Variants in USH2A observed in about 807,000 individuals in gnomAD.
The protein encoded by USH2A is Usher syndrome 2A (autosomal recessive, mild).
Under a neutral mutation model 538.9 loss-of-function variants are expected in USH2A, and 443 were observed. That is an observed-to-expected ratio of 0.82 (90% CI 0.76 to 0.89). The LOEUF (loss-of-function observed/expected upper bound fraction) is 0.89. Among genes scored for constraint, USH2A ranks in the 40% least tolerant of loss-of-function variants. The pLI is 0.00. For synonymous variants in USH2A, 2,413 were observed against 2,273.5 expected (o/e 1.06, Z -1.75); for missense variants, 6,633 against 6,324.8 (o/e 1.05, Z -1.65).
chr1:216,178,073 A>G (rs1413841186), intron 20 of USH2A, among the ~76,000 whole-genome samples: 4 of 152,198 alleles, frequency 2.6e-5, no homozygotes, highest in African/African-American at 9.6e-5. Flanking sequence ...ACCGTAAAGC[A>G]GCTTAGAACA....
At chr1:215,827,930 T>C (rs188135376) in intron 47 of USH2A, among the ~76,000 whole-genome samples, 2 of 152,310 alleles carry the variant, frequency 1.3e-5, no homozygotes, top group African/African-American at 2.4e-5. Flanking sequence ...CTTTTAATTT[T>C]ACAAAACTGT....
intron 44 of USH2A, among the ~76,000 whole-genome samples, chr1:215,860,452 G>T (rs562424981): frequency 3.9e-5 from 6 of 152,262 alleles, no homozygotes; most frequent in African/African-American, 1.4e-4. Flanking sequence ...CATGACATGT[G>T]AGAATTATTA....
intron 64 of USH2A, among the ~76,000 whole-genome samples, chr1:215,654,375 G>GT (rs1454008946): frequency 1.3e-5 from 2 of 151,948 alleles, no homozygotes; most frequent in African/African-American, 4.8e-5. Context: ...TGTGTCTGAT[G>GT]TTCCCCTCCC....
chr1:216,084,704 C>A lies in USH2A; in HGVS notation c.5161G>T (p.Gly1721Ter), dbSNP rs1286823186. 6.2e-7 allele frequency: 1 copy of A among 1,613,076 alleles called. No individual in the cohort carries two copies. Among genetic ancestry groups the A allele is most frequent in the Non-Finnish European group, 8.5e-7 (1 of 1,179,546 alleles). The change falls in exon 25 of 72, where the codon GGA (glycine) becomes TGA (stop). Residue 1721 changes from glycine (G) to a stop codon, truncating the protein, a stop_gained. Transcript: ENST00000307340. LOFTEE classifies it high-confidence loss of function. ...ASLNEGAQFL[G>*]AGFLELHPYM... Reference sequence around the variant, plus strand: ...GTCTTTTTTAGAGCATTACCTGCTCCTAGGAACTGAGCTCCCTCATTTAAT... The same window carrying A: ...GTCTTTTTTAGAGCATTACCTGCTCATAGGAACTGAGCTCCCTCATTTAAT...
At chr1:216,078,415 C>A in intron 26 of USH2A, 53 bp from the exon 27 acceptor site, 1 of 1,557,436 alleles carries the variant, frequency 6.4e-7, no homozygotes, top group Non-Finnish European at 8.8e-7. Context: ...TGCAGAAGGG[C>A]AGTTTGGGAG....
intron 37 of USH2A, among the ~76,000 whole-genome samples, chr1:215,942,175 T>C (rs572364408): frequency 6.6e-6 from 1 of 152,256 alleles, no homozygotes; most frequent in South Asian, 2.1e-4. Context: ...TCTCAATTTT[T>C]TCTGGCTATT....
intron 21 of USH2A, among the ~76,000 whole-genome samples, chr1:216,165,078 C>A (rs1220504360): frequency 1.3e-5 from 2 of 152,110 alleles, no homozygotes; most frequent in African/African-American, 4.8e-5. Flanking sequence ...AACATCAATA[C>A]CTCCATTGTC....
At chr1:215,748,748 T>C (rs1660549494) in intron 58 of USH2A, among the ~76,000 whole-genome samples, 1 of 152,198 alleles carries the variant, frequency 6.6e-6, no homozygotes. Flanking sequence ...CCTCTATGGA[T>C]GTTGTCTCTT....
At chr1:215,773,763 G>T (rs1661373080) in intron 55 of USH2A, among the ~76,000 whole-genome samples, 1 of 152,090 alleles carries the variant, frequency 6.6e-6, no homozygotes, top group Admixed American at 6.6e-5. Context: ...TGCCTACTGA[G>T]ATTCCCAGGA....
intron 32 of USH2A, among the ~76,000 whole-genome samples, chr1:216,046,009 GT>G (rs2030504377): frequency 1.7e-5 from 1 of 60,422 alleles, no homozygotes; most frequent in African/African-American, 1.5e-4. Context: ...TTTATCTGGT[GT>G]GTGTGTGTGT....
At chr1:215,817,303 TTA>T (rs947905892) in intron 47 of USH2A, 108 bp from the exon 48 acceptor site, 76 of 463,616 alleles carry the variant, frequency 1.6e-4, no homozygotes, top group Middle Eastern at 7.2e-4. Context: ...ATATATATAA[TTA>T]TATATGTTTA....
chr1:215,811,980 G>GGTTTT (rs1662704153), intron 49 of USH2A, among the ~76,000 whole-genome samples: 1 of 112,496 alleles, frequency 8.9e-6, no homozygotes, highest in African/African-American at 3.5e-5. Flanking sequence ...AAACCCCTAG[G>GGTTTT]GTTTTTTTTT....
chr1:215,674,563 GAGAGTC>G lies in USH2A; in HGVS notation c.13342_13347del (p.Asp4448_Ser4449del), dbSNP rs771903291. 3.7e-5 allele frequency: 59 copies of G among 1,614,008 alleles called. No individual in the cohort carries two copies. The highest frequency in any genetic ancestry group is 2.9e-5 in the Non-Finnish European group (34 of 1,180,034). On this transcript the variant is annotated inframe_deletion, in exon 63 of 72. Transcript: ENST00000307340. ...TCTGAGCCTGTGACTTGCAATGTTG[GAGAGTC>G]CATGTTCTCTGGCAGGGCCTCCATT...
At position 216,389,510 on chromosome 1, in the gene USH2A, A is replaced by G. The variant is rs1444023699; in HGVS notation, c.652-24425T>C. 2.6e-5 allele frequency among the ~76,000 whole-genome samples: 4 copies of G among 152,308 alleles called. No individual in the cohort carries two copies. The East Asian group carries it at 7.7e-4, about 29-fold the overall frequency. On this transcript the variant is annotated intron_variant, in intron 3 of 71. Transcript: ENST00000307340. ...GCAAGATTTTTCTAATTAAAATAAA[A>G]CAATTTTTAATTTTTAATCTTGAAC...
rs187411772 is a variant in USH2A at position 216,367,624 on chromosome 1, A to G, written c.652-2539T>C. Among the ~76,000 whole-genome samples the G allele has an allele frequency of 6.7e-3, 1,025 of 152,244 alleles. 14 individuals carry two copies. Among genetic ancestry groups the G allele is most frequent in the Non-Finnish European group, 8.3e-3 (564 of 68,002 alleles). On this transcript the variant is annotated intron_variant, in intron 3 of 71. Coordinates refer to ENST00000307340, the MANE Select transcript of USH2A (RefSeq NM_206933.4). ...AGAAGGATATTTTCACTTTATAGGT[A>G]CTTAAATAATGATTAATGATGATCC...
intron 21 of USH2A, among the ~76,000 whole-genome samples, chr1:216,161,494 A>G (rs1209601376): frequency 3.9e-5 from 6 of 152,072 alleles, no homozygotes. Context: ...ATCATTTGTG[A>G]CAAAATAATT....
intron 34 of USH2A, among the ~76,000 whole-genome samples, chr1:215,997,936 T>C (rs1359438664): frequency 6.6e-6 from 1 of 152,126 alleles, no homozygotes; most frequent in East Asian, 1.9e-4. Flanking sequence ...ACTGTCTGAT[T>C]GCCCTTGTTT....
chr1:215,921,019 G>T (rs1666084968), intron 38 of USH2A, among the ~76,000 whole-genome samples: 1 of 151,884 alleles, frequency 6.6e-6, no homozygotes, highest in Non-Finnish European at 1.5e-5. Flanking sequence ...ACAGAAAATT[G>T]TTTTAGTACA....
chr1:216,333,784 G>T (rs1042635895), intron 4 of USH2A, among the ~76,000 whole-genome samples: 12 of 151,988 alleles, frequency 7.9e-5, no homozygotes, highest in African/African-American at 2.7e-4. Flanking sequence ...AAGAAACCAT[G>T]GCGTCCAGAA....
Sources: gnomAD v4.1 joint callset for allele counts (sites outside exome capture counted in the v4.1 genomes callset) on GRCh38, gnomAD v4.1.1 for gene constraint, MANE v1.5 for transcripts, NCBI Gene and HGNC (gene_info 2026-07-23, HGNC 2026-07-21) for gene names.